NFKB1: variants seen among roughly 807,000 people sequenced by gnomAD.
The protein encoded by NFKB1 is nuclear factor kappa B subunit 1.
NFKB1 carries 9 observed loss-of-function variants against 105.1 expected under a neutral mutation model. The observed-to-expected ratio is 0.09, with a 90% CI of 0.05 to 0.15. The LOEUF (loss-of-function observed/expected upper bound fraction) is 0.15. NFKB1 is among the 10% of genes least tolerant of loss of function. The pLI is 1.00. For missense variants in NFKB1, 830 were observed against 1,203.7 expected (o/e 0.69, Z 4.59); for synonymous variants, 440 against 442.2 (o/e 1.00, Z 0.06).
intron 9 of NFKB1, among the ~76,000 whole-genome samples, chr4:102,581,379 C>A (rs1197488076): frequency 6.6e-6 from 1 of 151,810 alleles, no homozygotes; most frequent in South Asian, 2.1e-4. Context: ...TAAAATAAAT[C>A]AATAAAAGAC....
At chr4:102,584,914 C>T in intron 11 of NFKB1, 94 bp downstream of exon 11, 2 of 1,240,370 alleles carry the variant, frequency 1.6e-6, no homozygotes, top group East Asian at 2.6e-5. Context: ...CAGAGTCTGA[C>T]TCTGTTGCCC....
chr4:102,615,096 C>T (rs1250596653), intron 23 of NFKB1, among the ~76,000 whole-genome samples: 2 of 152,072 alleles, frequency 1.3e-5, no homozygotes, highest in Non-Finnish European at 2.9e-5. Context: ...CATTCTCTGC[C>T]CAACAGACGG....
At chr4:102,539,012 G>C (rs1268266442) in intron 5 of NFKB1, among the ~76,000 whole-genome samples, 1 of 152,056 alleles carries the variant, frequency 6.6e-6, no homozygotes, top group Non-Finnish European at 1.5e-5. Flanking sequence ...GCCGAGGCTA[G>C]CAGATCACAA....
intron 5 of NFKB1, among the ~76,000 whole-genome samples, chr4:102,555,150 C>A (rs571272874): frequency 6.6e-6 from 1 of 152,186 alleles, no homozygotes; most frequent in East Asian, 1.9e-4. Flanking sequence ...CTCAGGGATC[C>A]CTCAGAGTTA....
At chr4:102,590,325 G>T (rs1021501037) in intron 11 of NFKB1, among the ~76,000 whole-genome samples, 2 of 152,144 alleles carry the variant, frequency 1.3e-5, no homozygotes, top group Non-Finnish European at 2.9e-5. Context: ...CGGGTGCTCC[G>T]CAGTGTTGTC....
At chr4:102,575,588 C>T (rs574870983) in intron 6 of NFKB1, among the ~76,000 whole-genome samples, 4 of 152,258 alleles carry the variant, frequency 2.6e-5, no homozygotes, top group African/African-American at 2.4e-5. Flanking sequence ...AAAACACCGG[C>T]GTGGTCCTAC....
chr4:102,588,479 A>C (rs1363911409), intron 11 of NFKB1, among the ~76,000 whole-genome samples: 1 of 152,134 alleles, frequency 6.6e-6, no homozygotes, highest in African/African-American at 2.4e-5. Context: ...AGAGACCATA[A>C]TGATTTTTCA....
chr4:102,567,210 G>A, intron 6 of NFKB1, 75 bp downstream of exon 6: 1 of 1,505,340 alleles, frequency 6.6e-7, no homozygotes, highest in Non-Finnish European at 9.1e-7. Flanking sequence ...GAATGAACAG[G>A]CCCCTTTCAT....
chr4:102,523,741 T>G (rs1180496740), intron 1 of NFKB1, among the ~76,000 whole-genome samples: 1 of 152,192 alleles, frequency 6.6e-6, no homozygotes, highest in Admixed American at 6.5e-5. Context: ...CATCATGTTT[T>G]TGGTAGAAGC....
At chr4:102,603,039 G>A (rs1216973523) in intron 16 of NFKB1, among the ~76,000 whole-genome samples, 2 of 152,116 alleles carry the variant, frequency 1.3e-5, no homozygotes, top group African/African-American at 4.8e-5. Flanking sequence ...TTTATAAATA[G>A]GATCTGCAAA....
intron 2 of NFKB1, among the ~76,000 whole-genome samples, chr4:102,528,301 G>A (rs949691650): frequency 6.6e-6 from 1 of 152,062 alleles, no homozygotes; most frequent in Non-Finnish European, 1.5e-5. Flanking sequence ...GCAGAACATG[G>A]TTTTTCATTC....
At chr4:102,580,474 A>G in intron 8 of NFKB1, 61 bp from the exon 9 acceptor site, 3 of 1,408,664 alleles carry the variant, frequency 2.1e-6, no homozygotes, top group Non-Finnish European at 3.0e-6. Context: ...TCCTACCTAA[A>G]GGACTGGCTT....
chr4:102,521,633 C>G (rs1227656741), intron 1 of NFKB1, among the ~76,000 whole-genome samples: 1 of 152,074 alleles, frequency 6.6e-6, no homozygotes, highest in Non-Finnish European at 1.5e-5. Flanking sequence ...TATCTCTGAT[C>G]CTAGAAAGTT....
At chr4:102,596,442 G>A in intron 14 of NFKB1, 110 bp downstream of exon 14, 2 of 861,108 alleles carry the variant, frequency 2.3e-6, no homozygotes, top group Non-Finnish European at 3.3e-6. Flanking sequence ...CTAGTTTAGT[G>A]TACTCTTCAA....
At chr4:102,581,795 G>C (rs986475488) in intron 9 of NFKB1, among the ~76,000 whole-genome samples, 4 of 152,168 alleles carry the variant, frequency 2.6e-5, no homozygotes, top group Non-Finnish European at 4.4e-5. Flanking sequence ...ATTTGTAAAT[G>C]AGATCCTTAG....
rs748305474 is a variant in NFKB1, at chr4:102,607,132, C to T, written c.1955-18C>T. 1 of 1,613,918 alleles carries T rather than the reference C, an allele frequency of 6.2e-7. No individual in the cohort carries two copies. Among genetic ancestry groups the T allele is most frequent in the Non-Finnish European group, 8.5e-7 (1 of 1,179,872 alleles). ...TTAGCCATCCCATCCTGTGACTGTC[C>T]CTTTGCTTGGACTCTAGGTCTGAAT... On this transcript the variant is annotated intron_variant, in intron 17 of 23. Coordinates refer to ENST00000226574, the MANE Select transcript of NFKB1 (RefSeq NM_003998.4).
intron 1 of NFKB1, among the ~76,000 whole-genome samples, chr4:102,525,244 T>C (rs1740834155): frequency 6.9e-6 from 1 of 144,574 alleles, no homozygotes. Context: ...AGATGATTTG[T>C]ACCAAACTCA....
At chr4:102,600,485 C>T (rs542787345) in intron 15 of NFKB1, among the ~76,000 whole-genome samples, 1 of 152,262 alleles carries the variant, frequency 6.6e-6, no homozygotes, top group African/African-American at 2.4e-5. Context: ...TAGTGCCAGG[C>T]ATTCATTTTA....
intron 5 of NFKB1, among the ~76,000 whole-genome samples, chr4:102,545,448 G>A (rs979540301): frequency 6.6e-6 from 1 of 152,068 alleles, no homozygotes; most frequent in African/African-American, 2.4e-5. Flanking sequence ...CACTGATGCA[G>A]GTTCTGTGAT....
Sources: allele counts gnomAD v4.1 joint callset (sites outside exome capture counted in the v4.1 genomes callset), GRCh38; gene constraint gnomAD v4.1.1; transcripts MANE v1.5; gene names NCBI Gene and HGNC (gene_info 2026-07-23, HGNC 2026-07-21).